SPOCK3: variants seen among roughly 807,000 people sequenced by gnomAD.
The protein encoded by SPOCK3 is testican-3.
A neutral mutation model predicts 56.6 loss-of-function variants in SPOCK3; 30 were observed. The ratio of observed to expected loss-of-function variants is 0.53; its 90% CI spans 0.40 to 0.72. The LOEUF is 0.72. Among genes scored for constraint, SPOCK3 ranks in the 30% least tolerant of loss-of-function variants. The pLI, the probability that SPOCK3 is intolerant of heterozygous loss-of-function variation, is 0.00. For missense variants in SPOCK3, 527 were observed against 530.0 expected (o/e 0.99, Z 0.06); for synonymous variants, 196 against 183.3 (o/e 1.07, Z -0.56).
At chr4:166,817,348 G>A (rs1049883625) in intron 6 of SPOCK3, among the ~76,000 whole-genome samples, 1 of 151,958 alleles carries the variant, frequency 6.6e-6, no homozygotes, top group African/African-American at 2.4e-5. Flanking sequence ...TACTCTCAAG[G>A]GAGACACTTT....
chr4:167,039,834 A>T (rs1317055933), intron 3 of SPOCK3, among the ~76,000 whole-genome samples: 1 of 152,240 alleles, frequency 6.6e-6, no homozygotes, highest in Non-Finnish European at 1.5e-5. Flanking sequence ...TATATACCAC[A>T]CAAAGTTGTA....
At chr4:167,135,354 A>G (rs1367620057) in intron 2 of SPOCK3, among the ~76,000 whole-genome samples, 8 of 152,160 alleles carry the variant, frequency 5.3e-5, no homozygotes, top group African/African-American at 1.4e-4. Flanking sequence ...CGTAGCACAC[A>G]TGGGAGGAAG....
chr4:166,995,372 C>A (rs1748249775), intron 4 of SPOCK3, among the ~76,000 whole-genome samples: 2 of 152,042 alleles, frequency 1.3e-5, no homozygotes, highest in Admixed American at 1.3e-4. Context: ...ATCCAAAGTA[C>A]AATGACCATT....
chr4:167,003,593 T>C (rs1217498559), intron 3 of SPOCK3, among the ~76,000 whole-genome samples: 2 of 152,224 alleles, frequency 1.3e-5, no homozygotes, highest in African/African-American at 4.8e-5. Flanking sequence ...TGTTCTTCTT[T>C]CCGTCTTGTT....
intron 2 of SPOCK3, among the ~76,000 whole-genome samples, chr4:167,148,218 G>A (rs1046487002): frequency 6.6e-6 from 1 of 152,078 alleles, no homozygotes; most frequent in Admixed American, 6.6e-5. Flanking sequence ...AGGTGTTTGG[G>A]GAGTTGCTAC....
intron 6 of SPOCK3, among the ~76,000 whole-genome samples, chr4:166,843,781 GTC>G (rs532659965): frequency 1.4e-4 from 21 of 152,142 alleles, no homozygotes; most frequent in Non-Finnish European, 2.9e-4. Flanking sequence ...AATAATACAT[GTC>G]TCTCTCTCTA....
intron 2 of SPOCK3, among the ~76,000 whole-genome samples, chr4:167,131,662 G>A (rs911839859): frequency 1.3e-5 from 2 of 152,072 alleles, no homozygotes; most frequent in African/African-American, 4.8e-5. Flanking sequence ...ACAGATAACA[G>A]TCCTAATCCC....
intron 4 of SPOCK3, among the ~76,000 whole-genome samples, chr4:166,959,242 C>G (rs1341370114): frequency 2.0e-5 from 3 of 152,068 alleles, no homozygotes; most frequent in African/African-American, 7.2e-5. Flanking sequence ...TTAGAAAATA[C>G]AGCCTATGAC....
At chr4:167,068,159 C>G (rs1190087746) in intron 2 of SPOCK3, among the ~76,000 whole-genome samples, 2 of 151,512 alleles carry the variant, frequency 1.3e-5, no homozygotes, top group Non-Finnish European at 3.0e-5. Flanking sequence ...TTTAGCTTAA[C>G]AGTTTCAATT....
intron 4 of SPOCK3, among the ~76,000 whole-genome samples, chr4:166,968,606 C>A (rs1458881541): frequency 1.4e-5 from 2 of 147,392 alleles, no homozygotes; most frequent in Admixed American, 1.3e-4. Context: ...GCACAGAAGG[C>A]AAGAATTGAA....
intron 4 of SPOCK3, among the ~76,000 whole-genome samples, chr4:166,932,648 T>G (rs1000282847): frequency 2.0e-5 from 3 of 152,130 alleles, no homozygotes; most frequent in African/African-American, 7.2e-5. Context: ...TGTTTCTCAC[T>G]GAAACAAAAT....
At chr4:167,017,021 C>T (rs1750692052) in intron 3 of SPOCK3, among the ~76,000 whole-genome samples, 1 of 152,024 alleles carries the variant, frequency 6.6e-6, no homozygotes, top group African/African-American at 2.4e-5. Flanking sequence ...AGATTTGAAA[C>T]ATGCAAAGAA....
intron 3 of SPOCK3, among the ~76,000 whole-genome samples, chr4:167,008,732 A>G (rs13150800): frequency 6.6e-6 from 1 of 152,134 alleles, no homozygotes; most frequent in Admixed American, 6.6e-5. Context: ...GTGAAGTAAC[A>G]CAGAAACAGA....
At chr4:167,025,220 G>GTT (rs1561133018) in intron 3 of SPOCK3, among the ~76,000 whole-genome samples, 1 of 135,598 alleles carries the variant, frequency 7.4e-6, no homozygotes, top group Non-Finnish European at 1.6e-5. Flanking sequence ...GCCACTGAAT[G>GTT]CTTTTTTTTT....
At chr4:167,130,209 T>A (rs758545323) in intron 2 of SPOCK3, among the ~76,000 whole-genome samples, 2 of 152,068 alleles carry the variant, frequency 1.3e-5, no homozygotes, top group Non-Finnish European at 2.9e-5. Flanking sequence ...CAAGCAATCC[T>A]CCTGCCTCAG....
intron 3 of SPOCK3, among the ~76,000 whole-genome samples, chr4:167,023,055 A>C (rs1271648639): frequency 6.6e-6 from 1 of 152,028 alleles, no homozygotes. Flanking sequence ...ACATGTATAG[A>C]GACTATGCAC....
At chr4:166,914,806 G>T (rs1737666242) in intron 4 of SPOCK3, among the ~76,000 whole-genome samples, 1 of 152,094 alleles carries the variant, frequency 6.6e-6, no homozygotes, top group Non-Finnish European at 1.5e-5. Context: ...AGAAATTTGT[G>T]AAATTGAAAT....
At chr4:167,155,134 T>C (rs1939806560) in intron 2 of SPOCK3, among the ~76,000 whole-genome samples, 1 of 152,148 alleles carries the variant, frequency 6.6e-6, no homozygotes, top group Non-Finnish European at 1.5e-5. Flanking sequence ...CTGTTTTTTT[T>C]TAAGGCGGAG....
chr4:166,946,257 A>G (rs1741737759), intron 4 of SPOCK3, among the ~76,000 whole-genome samples: 2 of 152,100 alleles, frequency 1.3e-5, no homozygotes, highest in African/African-American at 4.8e-5. Flanking sequence ...CTCAGGCCAT[A>G]TACTCCTTTG....
Sources: gnomAD v4.1 joint callset for allele counts (sites outside exome capture counted in the v4.1 genomes callset) on GRCh38, gnomAD v4.1.1 for gene constraint, MANE v1.5 for transcripts, NCBI Gene and HGNC (gene_info 2026-07-23, HGNC 2026-07-21) for gene names.